Variants in IGSF10 observed in about 807,000 individuals in gnomAD.
The protein encoded by IGSF10 is immunoglobulin superfamily member 10, also known as calvaria mechanical force protein 608.
In IGSF10, 126 loss-of-function variants were observed where a neutral mutation model predicts 128.2. The observed-to-expected ratio is 0.98, with a 90% CI of 0.85 to 1.14. The LOEUF is 1.14. IGSF10 is among the 50% of genes most tolerant of loss of function. The probability of loss-of-function intolerance (pLI) is 0.00; values close to 1 mark genes in which losing one functional copy is unlikely to be tolerated. For synonymous variants in IGSF10, 1,185 were observed against 1,146.2 expected, an observed-to-expected ratio of 1.03 and a Z score of -0.68; for missense variants, 3,295 against 3,149.8, an observed-to-expected ratio of 1.05 and a Z score of -1.10.
chr3:151,448,684 G>T lies in IGSF10; in HGVS notation c.1297C>A (p.Gln433Lys). The T allele has an allele frequency of 5.0e-6, 8 of 1,613,962 alleles. No individual in the cohort carries two copies. The highest frequency in any genetic ancestry group is 6.8e-6 in the Non-Finnish European group (8 of 1,179,976). Residue 433 changes from glutamine to lysine, a missense_variant, in exon 6 of 8, where the codon CAA becomes AAA. Transcript: ENST00000282466. ...RADPSWLMQDQISLQLNRTAT... is the reference protein window; with the variant it reads ...RADPSWLMQDKISLQLNRTAT... ...GTTCTGTTCAGCTGCAAGGAAATTT[G>T]GTCTTGCATTAACCAAGAGGGATCT...
At chr3:151,535,938 G>C in the IGSF10 span, among the ~76,000 whole-genome samples, 1 of 152,108 alleles carries the variant, frequency 6.6e-6, no homozygotes, top group African/African-American at 2.4e-5. Flanking sequence ...CCTGTACATG[G>C]AGCTCCAGCT....
Position 151,458,528 on chromosome 3 carries a change from C to G in IGSF10, c.182G>C (p.Arg61Pro). 6.2e-7 allele frequency: 1 copy of G among 1,612,424 alleles called. No individual in the cohort carries two copies. The change falls in exon 3 of 8, where the codon CGC becomes CCC. Residue 61 changes from arginine (R) to proline (P), a missense_variant. By Grantham distance (103) the Arg-to-Pro change is moderately radical (BLOSUM62 -2). Coordinates refer to ENST00000282466, the MANE Select transcript of IGSF10 (RefSeq NM_178822.5). ...AGGTCTCACACACCCTAAATTGATG[C>G]GTTCCACATTGGGCGGGATGCTGTC... ...IPDSIPPNVE[R>P]INLGYNSLVR...
At chr3:151,596,641 T>C in the IGSF10 span, among the ~76,000 whole-genome samples, 1 of 152,172 alleles carries the variant, frequency 6.6e-6, no homozygotes, top group Admixed American at 6.5e-5. Flanking sequence ...AGGTATCTTG[T>C]AATGCACTCC....
chr3:151,530,411 A>G, the IGSF10 span, among the ~76,000 whole-genome samples: 23 of 152,142 alleles, frequency 1.5e-4, no homozygotes, highest in Non-Finnish European at 3.1e-4. Context: ...ACACATAATC[A>G]TCAGATTCAC....
the IGSF10 span, among the ~76,000 whole-genome samples, chr3:151,559,845 G>A: frequency 6.6e-6 from 1 of 152,096 alleles, no homozygotes; most frequent in South Asian, 2.1e-4. Context: ...CTTTACATGG[G>A]TTCTTAGGGG....
the IGSF10 span, among the ~76,000 whole-genome samples, chr3:151,490,924 C>T: frequency 6.6e-6 from 1 of 151,662 alleles, no homozygotes; most frequent in Non-Finnish European, 1.5e-5. Context: ...TTAAAAAATT[C>T]CAAATAAATA....
the IGSF10 span, among the ~76,000 whole-genome samples, chr3:151,506,021 A>G: frequency 6.7e-6 from 1 of 150,040 alleles, no homozygotes; most frequent in Non-Finnish European, 1.5e-5. Context: ...TGTTGATCTC[A>G]GCTCACTGCA....
chr3:151,488,593 C>T, the IGSF10 span, among the ~76,000 whole-genome samples: 2 of 152,106 alleles, frequency 1.3e-5, no homozygotes, highest in Non-Finnish European at 1.5e-5. Context: ...TCTACAGTAA[C>T]CAAAACAGCA....
chr3:151,579,566 GATCA>G, the IGSF10 span, among the ~76,000 whole-genome samples: 1 of 149,986 alleles, frequency 6.7e-6, no homozygotes, highest in Non-Finnish European at 1.5e-5. Context: ...CAAAAGTAAA[GATCA>G]ATCAAAAGAA....
At position 151,448,119 on chromosome 3, in the gene IGSF10, T is replaced by G; in HGVS notation, c.1862A>C (p.Asp621Ala). 1 of 1,614,162 alleles carries G rather than the reference T, an allele frequency of 6.2e-7. No individual in the cohort carries two copies. The highest frequency in any genetic ancestry group is 8.5e-7 in the Non-Finnish European group (1 of 1,179,990). Residue 621 changes from aspartate (D) to alanine (A), a missense_variant, in exon 6 of 8, where the codon GAC (aspartate) becomes GCC (alanine). Physicochemically the swap from Asp to Ala is moderately radical, Grantham distance 126. Coordinates refer to ENST00000282466, the MANE Select transcript of IGSF10 (RefSeq NM_178822.5). ...TGTGCCATTGTTTAGAACTTTCTTG[T>G]CTCTTGATGACTGATAGAGCACATT... Reference protein sequence around the residue: ...GNNVLYQSSRDKKVLNNGTLR... With the variant: ...GNNVLYQSSRAKKVLNNGTLR...
At chr3:151,488,479 A>T in the IGSF10 span, among the ~76,000 whole-genome samples, 1 of 152,204 alleles carries the variant, frequency 6.6e-6, no homozygotes, top group African/African-American at 2.4e-5. Flanking sequence ...ACTACTTTAA[A>T]TGTCATATGG....
chr3:151,528,942 T>G, the IGSF10 span, among the ~76,000 whole-genome samples: 1 of 150,058 alleles, frequency 6.7e-6, no homozygotes, highest in Non-Finnish European at 1.5e-5. Context: ...CCCAGCAAGC[T>G]AAGATCCACC....
At chr3:151,520,644 A>T in the IGSF10 span, among the ~76,000 whole-genome samples, 1 of 151,882 alleles carries the variant, frequency 6.6e-6, no homozygotes, top group Non-Finnish European at 1.5e-5. Flanking sequence ...CTTCCCAGGC[A>T]AAGGAGAAAT....
the IGSF10 span, among the ~76,000 whole-genome samples, chr3:151,600,628 A>G: frequency 2.0e-5 from 3 of 152,134 alleles, no homozygotes; most frequent in South Asian, 6.2e-4. Context: ...TTCTAGAAGT[A>G]AAATTTCAGT....
the IGSF10 span, among the ~76,000 whole-genome samples, chr3:151,488,094 CA>C: frequency 7.9e-3 from 1,206 of 152,182 alleles, 12 homozygotes; most frequent in South Asian, 7.9e-3. Flanking sequence ...CATCACAGCC[CA>C]AAATCTCCAT....
the IGSF10 span, among the ~76,000 whole-genome samples, chr3:151,497,912 C>T: frequency 6.6e-6 from 1 of 152,124 alleles, no homozygotes; most frequent in Admixed American, 6.5e-5. Context: ...AAGTTGGATT[C>T]CTAGGTATTT....
At chr3:151,570,325 G>A in the IGSF10 span, among the ~76,000 whole-genome samples, 1 of 152,168 alleles carries the variant, frequency 6.6e-6, no homozygotes, top group Non-Finnish European at 1.5e-5. Flanking sequence ...CTTCCACAAT[G>A]GTTGAACTAG....
chr3:151,544,016 TCTC>T, the IGSF10 span, among the ~76,000 whole-genome samples: 5 of 152,230 alleles, frequency 3.3e-5, no homozygotes, highest in Admixed American at 1.3e-4. Context: ...TTCAAGCAAT[TCTC>T]CTGCCTCAGC....
chr3:151,581,962 A>T, the IGSF10 span, among the ~76,000 whole-genome samples: 1 of 152,196 alleles, frequency 6.6e-6, no homozygotes, highest in South Asian at 2.1e-4. Context: ...GCTACTTTGG[A>T]GGCTGAGGCA....
Sources: gnomAD v4.1 joint callset for allele counts (sites outside exome capture counted in the v4.1 genomes callset) on GRCh38, gnomAD v4.1.1 for gene constraint, MANE v1.5 for transcripts, NCBI Gene and HGNC (gene_info 2026-07-23, HGNC 2026-07-21) for gene names.